Variants in NRCAM observed in about 807,000 individuals in gnomAD.
NRCAM encodes the protein NgCAM-related cell adhesion molecule.
Under a neutral mutation model 156.5 loss-of-function variants are expected in NRCAM, and 83 were observed. The observed-to-expected ratio is 0.53, with a 90% CI of 0.44 to 0.64. The LOEUF (loss-of-function observed/expected upper bound fraction) is 0.64, where lower values mean the gene tolerates loss of function less well. NRCAM is among the 30% of genes least tolerant of loss of function. The pLI, the probability that NRCAM is intolerant of heterozygous loss-of-function variation, is 0.00. For missense variants in NRCAM, 1,417 were observed against 1,597.3 expected (o/e 0.89, Z 1.92); for synonymous variants, 538 against 563.9 (o/e 0.95, Z 0.65).
rs1054991263 is a variant in NRCAM at position 108,164,927 on chromosome 7, C to A, written c.3466+1994G>T. Among the ~76,000 whole-genome samples the A allele has an allele frequency of 2.0e-5, 3 of 152,146 alleles. No individual in the cohort carries two copies. The East Asian group carries it at 5.8e-4, about 29-fold the overall frequency. On this transcript the variant is annotated intron_variant, in intron 30 of 32. Coordinates refer to ENST00000379028, the MANE Select transcript of NRCAM (RefSeq NM_001037132.4). ...TGCTGGAACTGTAGGCATTACACTG[C>A]TGAGTGAAAAATAATTTTCTAAAGG...
intron 2 of NRCAM, among the ~76,000 whole-genome samples, chr7:108,374,764 G>C (rs1410139045): frequency 5.3e-5 from 8 of 152,078 alleles, no homozygotes; most frequent in Non-Finnish European, 1.0e-4. Context: ...TGCCATAATA[G>C]AAACAGAAAT....
intron 3 of NRCAM, among the ~76,000 whole-genome samples, chr7:108,258,260 A>G (rs953649717): frequency 6.6e-6 from 1 of 152,204 alleles, no homozygotes; most frequent in Non-Finnish European, 1.5e-5. Flanking sequence ...TCTGACCACA[A>G]CAGCCTTGCG....
chr7:108,191,060 C>T (rs371613), intron 19 of NRCAM, among the ~76,000 whole-genome samples, 194 bp downstream of exon 19: 104,984 of 152,126 alleles, frequency 0.69, 37,880 homozygotes, highest in East Asian at 0.96. Context: ...TGGCAACGAA[C>T]TTGGTGAAAA....
chr7:108,190,089 T>G (rs180960120), intron 19 of NRCAM, among the ~76,000 whole-genome samples: 10 of 152,298 alleles, frequency 6.6e-5, no homozygotes, highest in African/African-American at 2.4e-4. Flanking sequence ...GCTTAATTTC[T>G]AATACATGGG....
At chr7:108,450,140 G>A (rs751129533) in intron 1 of NRCAM, among the ~76,000 whole-genome samples, 46 of 151,970 alleles carry the variant, frequency 3.0e-4, no homozygotes, top group South Asian at 2.1e-4. Context: ...GAAGAAATTC[G>A]GAGAGCACAT....
intron 3 of NRCAM, among the ~76,000 whole-genome samples, chr7:108,282,483 G>A (rs974645390): frequency 6.6e-6 from 1 of 152,128 alleles, no homozygotes; most frequent in Non-Finnish European, 1.5e-5. Context: ...AAGTTAACAT[G>A]CTTATTTTTC....
intron 8 of NRCAM, among the ~76,000 whole-genome samples, chr7:108,226,699 A>T (rs2093517454): frequency 6.6e-6 from 1 of 152,208 alleles, no homozygotes; most frequent in South Asian, 2.1e-4. Flanking sequence ...ACTTTTCCTA[A>T]TATCTGAGTC....
intron 4 of NRCAM, 92 bp downstream of exon 4, chr7:108,239,867 G>T (rs2095415659): frequency 2.6e-6 from 2 of 757,518 alleles, no homozygotes; most frequent in Non-Finnish European, 4.5e-6. Flanking sequence ...GTATCACACA[G>T]ACACCTTCTC....
intron 3 of NRCAM, among the ~76,000 whole-genome samples, chr7:108,303,424 A>G (rs994084218): frequency 1.3e-5 from 2 of 152,014 alleles, no homozygotes; most frequent in African/African-American, 2.4e-5. Context: ...CCCAAGCTCT[A>G]TTGCTTCTTA....
intron 30 of NRCAM, among the ~76,000 whole-genome samples, chr7:108,165,072 G>A (rs1372812101): frequency 1.3e-5 from 2 of 152,092 alleles, no homozygotes; most frequent in Non-Finnish European, 2.9e-5. Flanking sequence ...TTAACAACAG[G>A]TCATTTTTAT....
intron 2 of NRCAM, among the ~76,000 whole-genome samples, chr7:108,385,793 G>T (rs551172437): frequency 6.6e-6 from 1 of 152,006 alleles, no homozygotes; most frequent in African/African-American, 2.4e-5. Context: ...GTATTGGAGA[G>T]AATATGGAAG....
chr7:108,293,319 T>C (rs1217254643), intron 3 of NRCAM, among the ~76,000 whole-genome samples: 1 of 152,128 alleles, frequency 6.6e-6, no homozygotes, highest in Non-Finnish European at 1.5e-5. Context: ...TCCCCTCCTT[T>C]CTGATTAACT....
intron 2 of NRCAM, among the ~76,000 whole-genome samples, chr7:108,387,863 C>T (rs1302378909): frequency 3.3e-5 from 5 of 152,154 alleles, no homozygotes; most frequent in Admixed American, 3.3e-4. Flanking sequence ...CCAGCTTCAT[C>T]CATGTCCCTG....
chr7:108,238,726 C>T (rs542018943), intron 4 of NRCAM, among the ~76,000 whole-genome samples: 97 of 152,238 alleles, frequency 6.4e-4, no homozygotes, highest in Non-Finnish European at 1.0e-3. Context: ...CTTAGGCATT[C>T]CCACTCCAAT....
chr7:108,163,154 ATTTTT>A (rs572351370), intron 30 of NRCAM, among the ~76,000 whole-genome samples: 2 of 152,098 alleles, frequency 1.3e-5, no homozygotes, highest in African/African-American at 4.8e-5. Flanking sequence ...TCATTACTTG[ATTTTT>A]TTTAACAATA....
intron 1 of NRCAM, among the ~76,000 whole-genome samples, chr7:108,410,887 G>C (rs1794542097): frequency 6.6e-6 from 1 of 152,172 alleles, no homozygotes; most frequent in Non-Finnish European, 1.5e-5. Context: ...TGTTTGCTAT[G>C]TCATCCTTGA....
At chr7:108,279,568 G>A (rs1310866563) in intron 3 of NRCAM, among the ~76,000 whole-genome samples, 1 of 151,906 alleles carries the variant, frequency 6.6e-6, no homozygotes, top group Non-Finnish European at 1.5e-5. Flanking sequence ...ACCCAGGCTG[G>A]AGTGCAGTGG....
chr7:108,414,868 C>T (rs894471326), intron 1 of NRCAM, among the ~76,000 whole-genome samples: 2 of 152,132 alleles, frequency 1.3e-5, no homozygotes, highest in East Asian at 1.9e-4. Flanking sequence ...CAACAGTGGG[C>T]GTGGTAAGGA....
chr7:108,171,278 ACT>A (rs3835367), intron 28 of NRCAM, among the ~76,000 whole-genome samples: 91,352 of 151,724 alleles, frequency 0.6, 32,470 homozygotes, highest in East Asian at 0.83. Context: ...TGAAACTACA[ACT>A]CTTATCTAGC....
Sources: gnomAD v4.1 joint callset for allele counts (sites outside exome capture counted in the v4.1 genomes callset) on GRCh38, gnomAD v4.1.1 for gene constraint, MANE v1.5 for transcripts, NCBI Gene and HGNC (gene_info 2026-07-23, HGNC 2026-07-21) for gene names.